COL4A4: variants seen among roughly 807,000 people sequenced by gnomAD.
COL4A4 encodes collagen alpha-4(IV) chain.
In COL4A4, 105 loss-of-function variants were observed where a neutral mutation model predicts 192.9. That is an observed-to-expected ratio of 0.54 (90% CI 0.46 to 0.64). COL4A4 has a LOEUF of 0.64. Ranked by LOEUF, COL4A4 falls within the 30% of genes least tolerant of loss-of-function variation. COL4A4 has a pLI of 0.00. For synonymous variants in COL4A4, 762 were observed against 769.9 expected (o/e 0.99, Z 0.17); for missense variants, 1,967 against 2,169.3 (o/e 0.91, Z 1.85).
intron 25 of COL4A4, among the ~76,000 whole-genome samples, chr2:227,065,917 A>C (rs1313447261): frequency 1.3e-5 from 2 of 152,256 alleles, no homozygotes; most frequent in Non-Finnish European, 2.9e-5. Flanking sequence ...TCAGACGATC[A>C]AATTACTCCG....
intron 4 of COL4A4, 130 bp from the exon 5 acceptor site, chr2:227,121,278 A>C: frequency 7.1e-5 from 71 of 995,508 alleles, no homozygotes; most frequent in Middle Eastern, 3.1e-4. Flanking sequence ...ATAGAAACAA[A>C]TGGCTGGAGA....
intron 9 of COL4A4, among the ~76,000 whole-genome samples, chr2:227,109,628 T>G (rs571265464): frequency 6.6e-6 from 1 of 151,976 alleles, no homozygotes; most frequent in East Asian, 1.9e-4. Flanking sequence ...GCGCCTGTAG[T>G]CCCAGCTACT....
In COL4A4 at chr2:227,042,235, G is replaced by A; in HGVS notation, c.3418C>T (p.Leu1140=). The change falls in exon 37 of 48, where the codon CTG becomes TTG. Residue 1140 remains leucine (L), a synonymous_variant. Transcript: ENST00000396625. ...GCPGDHGMPG[L]RGQPGEMGDP... Reference sequence around the variant, plus strand: ...CCCATTTCTCCTGGCTGTCCCCTCAGCCCAGGCATCCCGTGATCACCTGAG... The same window carrying A: ...CCCATTTCTCCTGGCTGTCCCCTCAACCCAGGCATCCCGTGATCACCTGAG... 1 of 1,612,928 alleles carries A rather than the reference G, an allele frequency of 6.2e-7. No homozygotes were observed. The highest frequency in any genetic ancestry group is 2.2e-5 in the East Asian group (1 of 44,866).
chr2:227,000,252 C>A (rs1960591502), downstream of COL4A4, among the ~76,000 whole-genome samples: 1 of 152,232 alleles, frequency 6.6e-6, no homozygotes, highest in African/African-American at 2.4e-5. Flanking sequence ...TCTACAGATT[C>A]AGACTCCTGC....
intron 37 of COL4A4, among the ~76,000 whole-genome samples, chr2:227,035,885 A>C (rs1336807292): frequency 6.6e-6 from 1 of 152,162 alleles, no homozygotes; most frequent in Non-Finnish European, 1.5e-5. Context: ...CTAGGTTGTC[A>C]CGGTCCCAGC....
intron 1 of COL4A4, among the ~76,000 whole-genome samples, chr2:227,163,167 A>C (rs768714704): frequency 2.0e-5 from 3 of 152,258 alleles, no homozygotes; most frequent in Non-Finnish European, 4.4e-5. Context: ...AATAAGTTGC[A>C]TCTTTACTTT....
At chr2:227,011,464 C>T (rs938314895) in intron 45 of COL4A4, among the ~76,000 whole-genome samples, 3 of 152,184 alleles carry the variant, frequency 2.0e-5, no homozygotes, top group African/African-American at 7.2e-5. Context: ...CAGCTTTTAG[C>T]CAAAGCTCCA....
intron 12 of COL4A4, among the ~76,000 whole-genome samples, chr2:227,106,987 G>A (rs181396673): frequency 2.0e-5 from 3 of 152,356 alleles, no homozygotes; most frequent in Admixed American, 6.5e-5. Flanking sequence ...CACAGCCTGA[G>A]TTTGCAAATG....
rs146028767 is a variant in COL4A4 at position 227,041,028 on chromosome 2, G to T, written c.3505+1120C>A. 8.5e-3 allele frequency among the ~76,000 whole-genome samples: 1,292 copies of T among 152,056 alleles called. 14 individuals carry two copies. The highest frequency in any genetic ancestry group is 0.029 in the African/African-American group (1,214 of 41,482). ...TAACCAGTCCACTATTGCCTTTACA[G>T]ACCAAGAAATTCAACCCAGAAAAAA... On this transcript the variant is annotated intron_variant, in intron 37 of 47. Coordinates refer to ENST00000396625, the MANE Select transcript of COL4A4 (RefSeq NM_000092.5).
At chr2:226,990,138 G>A in the COL4A4 span, among the ~76,000 whole-genome samples, 1 of 152,124 alleles carries the variant, frequency 6.6e-6, no homozygotes, top group African/African-American at 2.4e-5. Context: ...GTAAAGTGTG[G>A]TTACTGTCTT....
intron 17 of COL4A4, 59 bp from the exon 18 acceptor site, chr2:227,099,748 G>A: frequency 2.1e-6 from 3 of 1,428,246 alleles, no homozygotes; most frequent in Non-Finnish European, 3.0e-6. Flanking sequence ...ATGTTGCCTG[G>A]CATTAAACCA....
At chr2:226,986,565 G>A in the COL4A4 span, among the ~76,000 whole-genome samples, 1 of 152,094 alleles carries the variant, frequency 6.6e-6, no homozygotes, top group African/African-American at 2.4e-5. Context: ...ATGTGGCCAA[G>A]AAGCATATGA....
downstream of COL4A4, among the ~76,000 whole-genome samples, chr2:227,000,836 G>GTGAT (rs1310089236): frequency 6.6e-6 from 1 of 152,040 alleles, no homozygotes; most frequent in Non-Finnish European, 1.5e-5. Flanking sequence ...TGCTGTTCTT[G>GTGAT]TGATAGTGAA....
chr2:227,043,249 G>T, intron 35 of COL4A4, 65 bp from the exon 36 acceptor site: 2 of 1,299,096 alleles, frequency 1.5e-6, no homozygotes, highest in Non-Finnish European at 2.2e-6. Context: ...AAATCACCAA[G>T]TTCAGCCCAC....
rs993830280 is a variant in COL4A4, at chr2:227,006,691, A to G, written c.*634T>C. 3 of 153,900 alleles carry G rather than the reference A, an allele frequency of 1.9e-5. No homozygotes were observed. Among genetic ancestry groups the G allele is most frequent in the African/African-American group, 7.2e-5 (3 of 41,424 alleles). 9.5% of individuals were successfully genotyped at this position (153,900 alleles called of 1,614,324 possible). A position where few individuals can be genotyped will look rare whatever the true frequency, so the allele number is the denominator to read the frequency against. On this transcript the variant is annotated 3_prime_UTR_variant, in exon 48 of 48. Transcript: ENST00000396625. Reference sequence around the variant, plus strand: ...AATGTCGCATCTCTGGAATACGGCGACTGTGGGCCTTCCTGCCATCATGAT... The same window carrying G: ...AATGTCGCATCTCTGGAATACGGCGGCTGTGGGCCTTCCTGCCATCATGAT...
chr2:226,974,863 G>A, the COL4A4 span, among the ~76,000 whole-genome samples: 1 of 152,172 alleles, frequency 6.6e-6, no homozygotes, highest in Non-Finnish European at 1.5e-5. Flanking sequence ...CCTCGCCAGT[G>A]CGTGGCTCAG....
chr2:227,146,947 G>A (rs1409052503), intron 2 of COL4A4, among the ~76,000 whole-genome samples: 2 of 152,200 alleles, frequency 1.3e-5, no homozygotes, highest in African/African-American at 4.8e-5. Context: ...CAGCTGATTA[G>A]GAACCATAAT....
the COL4A4 span, among the ~76,000 whole-genome samples, chr2:226,987,807 G>A: frequency 9.8e-5 from 15 of 152,310 alleles, no homozygotes; most frequent in East Asian, 7.7e-4. Context: ...CTGGGTGCTC[G>A]TTAAAATGAA....
At chr2:226,968,372 C>T in the COL4A4 span, among the ~76,000 whole-genome samples, 2 of 152,192 alleles carry the variant, frequency 1.3e-5, no homozygotes, top group Non-Finnish European at 2.9e-5. Context: ...CAGGAACTCT[C>T]AGGCACTTGG....
Sources: allele counts gnomAD v4.1 joint callset (sites outside exome capture counted in the v4.1 genomes callset), GRCh38; gene constraint gnomAD v4.1.1; transcripts MANE v1.5; gene names NCBI Gene and HGNC (gene_info 2026-07-23, HGNC 2026-07-21).